Variants in PDE10A observed in about 807,000 individuals in gnomAD.
The protein encoded by PDE10A is cAMP and cAMP-inhibited cGMP 3',5'-cyclic phosphodiesterase 10A.
In PDE10A, 39 loss-of-function variants were observed where a neutral mutation model predicts 97.7. That is an observed-to-expected ratio of 0.40 (90% confidence interval 0.31 to 0.52). The LOEUF is 0.52. Ranked by LOEUF, PDE10A falls within the 20% of genes least tolerant of loss-of-function variation. The pLI is 0.56. For missense variants in PDE10A, 731 were observed against 1,047.8 expected (o/e 0.70, Z 4.17); for synonymous variants, 371 against 376.8 (o/e 0.98, Z 0.18).
At chr6:165,572,415 T>A (rs138159841) in intron 1 of PDE10A, among the ~76,000 whole-genome samples, 284 of 152,304 alleles carry the variant, frequency 1.9e-3, no homozygotes, top group Non-Finnish European at 2.9e-3. Flanking sequence ...TATCAGCTCT[T>A]ATTACCACCT....
chr6:165,920,226 C>T (rs777948765), intron 1 of PDE10A, among the ~76,000 whole-genome samples: 1 of 152,004 alleles, frequency 6.6e-6, no homozygotes, highest in African/African-American at 2.4e-5. Flanking sequence ...CTTTACAGAC[C>T]CCTAATCAAA....
At chr6:165,791,288 C>G (rs1262927812) in intron 1 of PDE10A, among the ~76,000 whole-genome samples, 1 of 152,018 alleles carries the variant, frequency 6.6e-6, no homozygotes, top group Non-Finnish European at 1.5e-5. Flanking sequence ...ATTTATCACA[C>G]CAGTGAGATC....
rs947917747 is a variant in PDE10A, at chr6:165,541,053, A to G, written c.994+2387T>C. Among the ~76,000 whole-genome samples, 5 of 152,218 alleles carry G rather than the reference A, an allele frequency of 3.3e-5. No homozygotes were observed. In the East Asian group the frequency reaches 9.6e-4, roughly 29 times the overall value. ...ACAGAATTTCACTGAACATGAAGCG[A>G]TATATGATGAGATACATTCTTTTGA... is the stretch of plus-strand genomic sequence containing the variant. On this transcript the variant is annotated intron_variant, in intron 2 of 21. Coordinates refer to ENST00000539869, the MANE Select transcript of PDE10A (RefSeq NM_001385079.1).
At chr6:165,763,474 C>G (rs748454161) in intron 1 of PDE10A, among the ~76,000 whole-genome samples, 4 of 152,280 alleles carry the variant, frequency 2.6e-5, no homozygotes, top group African/African-American at 7.2e-5. Context: ...AGGCGCCCAC[C>G]ACCATACCCA....
At chr6:165,580,546 G>A (rs1260294574) in intron 1 of PDE10A, among the ~76,000 whole-genome samples, 3 of 152,138 alleles carry the variant, frequency 2.0e-5, no homozygotes, top group Non-Finnish European at 4.4e-5. Context: ...TAGTTTTAAG[G>A]AAAAAGTAAT....
chr6:165,461,353 C>G (rs1778317975), intron 3 of PDE10A, among the ~76,000 whole-genome samples: 1 of 152,094 alleles, frequency 6.6e-6, no homozygotes, highest in Admixed American at 6.5e-5. Flanking sequence ...AGTAAACAAC[C>G]TGCAGCCTGC....
chr6:165,465,170 G>A (rs1461307616), intron 3 of PDE10A, among the ~76,000 whole-genome samples: 1 of 152,040 alleles, frequency 6.6e-6, no homozygotes, highest in Non-Finnish European at 1.5e-5. Context: ...AAATAAAGGT[G>A]ATCTATATCA....
intron 13 of PDE10A, among the ~76,000 whole-genome samples, chr6:165,410,492 T>TTG (rs199895351): frequency 1.3e-5 from 1 of 78,460 alleles, no homozygotes; most frequent in Non-Finnish European, 3.0e-5. Flanking sequence ...ATGAGATGGC[T>TTG]AGAGCATTCT....
At chr6:165,686,403 CT>C (rs1299097636) in intron 1 of PDE10A, among the ~76,000 whole-genome samples, 8 of 152,190 alleles carry the variant, frequency 5.3e-5, no homozygotes, top group Non-Finnish European at 8.8e-5. Flanking sequence ...CTTTGCAGCG[CT>C]TGTTGTTGTT....
At chr6:165,557,793 AT>A (rs1784331449) in intron 1 of PDE10A, among the ~76,000 whole-genome samples, 1 of 152,240 alleles carries the variant, frequency 6.6e-6, no homozygotes, top group African/African-American at 2.4e-5. Flanking sequence ...TGAGTCAGGC[AT>A]TGTATTTTGT....
chr6:165,751,682 C>T (rs1288112721), intron 1 of PDE10A, among the ~76,000 whole-genome samples: 1 of 152,158 alleles, frequency 6.6e-6, no homozygotes, highest in African/African-American at 2.4e-5. Context: ...AGCGATCCCT[C>T]GCTGCCCTGA....
rs184328086 is a variant in PDE10A at position 165,342,968 on chromosome 6, A to T, written c.2895+423T>A. Among the ~76,000 whole-genome samples, 228 of 152,312 alleles carry T rather than the reference A, an allele frequency of 1.5e-3. 1 individual carries two copies. The highest frequency in any genetic ancestry group is 5.1e-3 in the African/African-American group (212 of 41,566). On this transcript the variant is annotated intron_variant, in intron 19 of 21. Transcript: ENST00000539869. ...CTATTGGTTATATTTACATATTCTC[A>T]ATGTCTATGGTGCAAAACAATTATT...
In PDE10A at chr6:165,367,760, T is replaced by G. The variant is rs573061169; in HGVS notation, c.2783+11434A>C. Among the ~76,000 whole-genome samples the G allele has an allele frequency of 2.9e-3, 434 of 150,310 alleles. 3 individuals carry two copies. Among genetic ancestry groups the G allele is most frequent in the Non-Finnish European group, 4.9e-3 (333 of 67,724 alleles). On this transcript the variant is annotated intron_variant, in intron 18 of 21. Transcript: ENST00000539869. ...AAGAACTCTAAGTCCAGTGAAAATA[T>G]CTTTAAAAAGCGAAGCCACAATAAA...
intron 1 of PDE10A, among the ~76,000 whole-genome samples, chr6:165,829,513 C>T (rs1874191): frequency 0.047 from 7,205 of 152,206 alleles, 273 homozygotes; most frequent in Non-Finnish European, 0.069. Flanking sequence ...AGATGAGGCC[C>T]CCATCCTGGG....
intron 1 of PDE10A, among the ~76,000 whole-genome samples, chr6:165,794,600 C>G (rs946856253): frequency 4.6e-5 from 7 of 152,074 alleles, no homozygotes; most frequent in Non-Finnish European, 1.0e-4. Context: ...TTCACTCACA[C>G]ACTCATACAC....
intron 18 of PDE10A, among the ~76,000 whole-genome samples, chr6:165,372,006 G>A (rs1204085964): frequency 1.3e-5 from 2 of 150,116 alleles, no homozygotes; most frequent in Non-Finnish European, 3.0e-5. Context: ...CTGCAGAAAA[G>A]GCCTTTGACA....
chr6:165,683,040 A>G (rs1038273918), intron 1 of PDE10A, among the ~76,000 whole-genome samples: 4 of 152,364 alleles, frequency 2.6e-5, no homozygotes, highest in Non-Finnish European at 5.9e-5. Context: ...AGGCCTGCAT[A>G]GACGGTTGCA....
chr6:165,736,517 C>T (rs1333861424), intron 1 of PDE10A, among the ~76,000 whole-genome samples: 4 of 152,074 alleles, frequency 2.6e-5, no homozygotes, highest in Non-Finnish European at 4.4e-5. Flanking sequence ...ACTGAACCCT[C>T]GTGCAAGGCT....
intron 1 of PDE10A, among the ~76,000 whole-genome samples, chr6:165,885,735 T>C (rs563999924): frequency 1.3e-5 from 2 of 152,370 alleles, no homozygotes; most frequent in Admixed American, 6.5e-5. Context: ...TTTGCCTTTA[T>C]TGGATGCCTT....
Sources: gnomAD v4.1 joint callset for allele counts (sites outside exome capture counted in the v4.1 genomes callset) on GRCh38, gnomAD v4.1.1 for gene constraint, MANE v1.5 for transcripts, NCBI Gene and HGNC (gene_info 2026-07-23, HGNC 2026-07-21) for gene names.